RBFOX1: variants seen among roughly 807,000 people sequenced by gnomAD.
The protein encoded by RBFOX1 is RNA binding protein fox-1 homolog 1.
Under a neutral mutation model 57.7 loss-of-function variants are expected in RBFOX1, and 8 were observed. The observed-to-expected ratio is 0.14, with a 90% CI of 0.08 to 0.25. The LOEUF (loss-of-function observed/expected upper bound fraction) is 0.25. Ranked by LOEUF, RBFOX1 falls within the 10% of genes least tolerant of loss-of-function variation. The pLI is 1.00. For missense variants in RBFOX1, 611 were observed against 548.5 expected, an observed-to-expected ratio of 1.11 and a Z score of -1.14; for synonymous variants, 326 against 222.4, an observed-to-expected ratio of 1.47 and a Z score of -4.15.
At chr16:7,114,616 A>G (rs1374529732) in intron 4 of RBFOX1, among the ~76,000 whole-genome samples, 1 of 152,204 alleles carries the variant, frequency 6.6e-6, no homozygotes, top group African/African-American at 2.4e-5. Flanking sequence ...TGTCATTTGA[A>G]TGTTTCTGAA....
intron 1 of RBFOX1, among the ~76,000 whole-genome samples, chr16:5,386,618 A>C (rs1272292415): frequency 4.6e-5 from 7 of 151,976 alleles, no homozygotes; most frequent in African/African-American, 1.7e-4. Flanking sequence ...CTTGTCCTGG[A>C]GGTCCCACTG....
intron 3 of RBFOX1, among the ~76,000 whole-genome samples, chr16:5,747,254 A>G (rs1283645399): frequency 6.6e-6 from 1 of 152,182 alleles, no homozygotes; most frequent in Non-Finnish European, 1.5e-5. Flanking sequence ...ATGGTGGATA[A>G]GCTTTGTGAT....
chr16:7,089,373 T>A (rs932329434), intron 4 of RBFOX1, among the ~76,000 whole-genome samples: 6 of 152,048 alleles, frequency 3.9e-5, no homozygotes, highest in Non-Finnish European at 7.3e-5. Flanking sequence ...GCAATTAAAA[T>A]TTTGAATGTT....
At chr16:5,584,210 A>G (rs1377628242) in intron 2 of RBFOX1, among the ~76,000 whole-genome samples, 2 of 152,188 alleles carry the variant, frequency 1.3e-5, no homozygotes, top group South Asian at 2.1e-4. Flanking sequence ...TATTTATTTT[A>G]CACTTCACTT....
chr16:7,390,645 T>C (rs558280507), intron 4 of RBFOX1, among the ~76,000 whole-genome samples: 36 of 152,208 alleles, frequency 2.4e-4, no homozygotes, highest in Non-Finnish European at 5.1e-4. Context: ...GTGTGAGGGA[T>C]GGTGAATTTA....
At chr16:5,299,242 C>A (rs1386588139) in intron 1 of RBFOX1, among the ~76,000 whole-genome samples, 2 of 152,062 alleles carry the variant, frequency 1.3e-5, no homozygotes, top group African/African-American at 4.8e-5. Context: ...AAAATCAATC[C>A]ATACTGTGTA....
intron 1 of RBFOX1, among the ~76,000 whole-genome samples, chr16:5,331,181 A>C (rs1159819528): frequency 1.3e-5 from 2 of 152,154 alleles, no homozygotes; most frequent in Non-Finnish European, 2.9e-5. Context: ...TAAGCCTGGA[A>C]TTGGACATTG....
chr16:5,810,444 T>C (rs2151775733), intron 3 of RBFOX1, among the ~76,000 whole-genome samples: 1 of 152,306 alleles, frequency 6.6e-6, no homozygotes, highest in East Asian at 1.9e-4. Context: ...TGTGGAAAAT[T>C]AATTTTTGTT....
intron 2 of RBFOX1, among the ~76,000 whole-genome samples, chr16:6,545,818 A>T (rs562123625): frequency 6.6e-6 from 1 of 152,234 alleles, no homozygotes; most frequent in African/African-American, 2.4e-5. Context: ...TAGGAGAGTA[A>T]TCTAAAGCCC....
intron 2 of RBFOX1, among the ~76,000 whole-genome samples, chr16:6,420,407 T>G (rs553007479): frequency 6.6e-6 from 1 of 152,316 alleles, no homozygotes; most frequent in East Asian, 1.9e-4. Context: ...TGTGATGCAC[T>G]TTATAATTTT....
chr16:6,825,992 CCTT>C (rs1360311723), intron 3 of RBFOX1, among the ~76,000 whole-genome samples: 1 of 152,148 alleles, frequency 6.6e-6, no homozygotes, highest in Non-Finnish European at 1.5e-5. Flanking sequence ...AAATGTTGAA[CCTT>C]CTTTACATTT....
In RBFOX1 at chr16:5,837,978, GAT is replaced by G; in HGVS notation, c.319-29324_319-29323del. On this transcript the variant is annotated intron_variant, in intron 3 of 19. Transcript: ENST00000641259. ...GAGGCAACACAGGTACAGCATTCTG[GAT>G]GTCTGTGGACTCCAGTTCTAGGGCT... Among the ~76,000 whole-genome samples the G allele has an allele frequency of 2.0e-5, 3 of 152,262 alleles. No individual in the cohort carries two copies. The South Asian group carries it at 6.2e-4, about 32-fold the overall frequency.
chr16:5,814,791 C>T (rs1027102926), intron 3 of RBFOX1, among the ~76,000 whole-genome samples: 7 of 152,006 alleles, frequency 4.6e-5, no homozygotes, highest in Non-Finnish European at 8.8e-5. Context: ...TAGCCAGGCG[C>T]GGTGGAGGGC....
chr16:6,016,911 A>T (rs905469710), upstream of RBFOX1, among the ~76,000 whole-genome samples: 2 of 152,094 alleles, frequency 1.3e-5, no homozygotes, highest in Non-Finnish European at 2.9e-5. Context: ...TCTTTACTCT[A>T]ATTTTGTTTT....
intron 1 of RBFOX1, among the ~76,000 whole-genome samples, chr16:6,093,261 T>C (rs541016435): frequency 6.6e-6 from 1 of 152,220 alleles, no homozygotes; most frequent in Non-Finnish European, 1.5e-5. Context: ...TATTATTCAA[T>C]AAAGAATAGA....
intron 3 of RBFOX1, among the ~76,000 whole-genome samples, chr16:6,975,750 C>T (rs528788018): frequency 1.6e-4 from 25 of 152,284 alleles, no homozygotes; most frequent in African/African-American, 6.0e-4. Flanking sequence ...GTTTTCTACT[C>T]CTATGACCCC....
At chr16:6,518,781 G>A (rs1567531357) in intron 2 of RBFOX1, among the ~76,000 whole-genome samples, 1 of 76,546 alleles carries the variant, frequency 1.3e-5, no homozygotes, top group Non-Finnish European at 2.9e-5. Context: ...CCATCTGTCT[G>A]TCTGTCTGTG....
At chr16:6,711,113 G>T (rs191389880) in intron 3 of RBFOX1, among the ~76,000 whole-genome samples, 1 of 152,154 alleles carries the variant, frequency 6.6e-6, no homozygotes, top group Non-Finnish European at 1.5e-5. Context: ...AATATCATGC[G>T]TCTAATCCCT....
chr16:6,569,076 A>G (rs1462913603), intron 2 of RBFOX1, among the ~76,000 whole-genome samples: 2 of 152,186 alleles, frequency 1.3e-5, no homozygotes, highest in African/African-American at 2.4e-5. Context: ...TATGCTACTT[A>G]AGAATACAGA....
Sources: allele counts gnomAD v4.1 joint callset (sites outside exome capture counted in the v4.1 genomes callset), GRCh38; gene constraint gnomAD v4.1.1; transcripts MANE v1.5; gene names NCBI Gene and HGNC (gene_info 2026-07-23, HGNC 2026-07-21).